The following HSPH1 variants were observed in gnomAD, a reference collection of about 807,000 sequenced individuals.
HSPH1 encodes heat shock protein family H (Hsp110) member 1, also known as heat shock protein 105 kDa.
Under a neutral mutation model 100.0 loss-of-function variants are expected in HSPH1, and 40 were observed. The observed-to-expected ratio is 0.40, with a 90% CI of 0.31 to 0.52. HSPH1 has a LOEUF of 0.52. Ranked by LOEUF, HSPH1 falls within the 20% of genes least tolerant of loss-of-function variation. The probability of loss-of-function intolerance (pLI) is 0.54; values close to 1 mark genes in which losing one functional copy is unlikely to be tolerated. For synonymous variants in HSPH1, 403 were observed against 344.0 expected, an observed-to-expected ratio of 1.17 and a Z score of -1.90; for missense variants, 876 against 1,015.1, an observed-to-expected ratio of 0.86 and a Z score of 1.86.
At chr13:31,139,731 G>T (rs1471784667) in intron 14 of HSPH1, among the ~76,000 whole-genome samples, 2 of 152,044 alleles carry the variant, frequency 1.3e-5, no homozygotes, top group East Asian at 3.9e-4. Context: ...GTGCTTCTGG[G>T]ATTTACTCAC....
chr13:31,138,117 G>C (rs540077163), intron 17 of HSPH1, among the ~76,000 whole-genome samples: 61 of 151,920 alleles, frequency 4.0e-4, no homozygotes, highest in Non-Finnish European at 1.5e-4. Context: ...GTTCCATAAG[G>C]GCAGAGACTA....
intron 11 of HSPH1, among the ~76,000 whole-genome samples, 165 bp from the exon 12 acceptor site, chr13:31,144,088 C>T (rs556889092): frequency 6.6e-6 from 1 of 152,236 alleles, no homozygotes; most frequent in South Asian, 2.1e-4. Context: ...TTGAAAACTT[C>T]TGTAGAAATT....
upstream of HSPH1, chr13:31,162,172 C>A (rs772852661): frequency 7.7e-7 from 1 of 1,301,830 alleles, no homozygotes; most frequent in South Asian, 1.3e-5. Flanking sequence ...AGGCGTTTTG[C>A]TGCCCTAATA....
At chr13:31,156,417 A>G (rs762570841) in intron 2 of HSPH1, among the ~76,000 whole-genome samples, 5 of 152,050 alleles carry the variant, frequency 3.3e-5, no homozygotes, top group Non-Finnish European at 5.9e-5. Flanking sequence ...TAATTTTTAT[A>G]GCTGGGCATG....
upstream of HSPH1, chr13:31,162,065 C>T: frequency 4.6e-6 from 7 of 1,536,148 alleles, no homozygotes; most frequent in South Asian, 7.1e-5. Flanking sequence ...AATGGGCAGC[C>T]GGTCCCCGGA....
Position 31,138,468 on chromosome 13 carries a change from G to A in HSPH1, c.2309C>T (p.Ala770Val). The A allele has an allele frequency of 6.2e-6, 10 of 1,613,204 alleles. No homozygotes were observed. Among genetic ancestry groups the A allele is most frequent in the Non-Finnish European group, 8.5e-6 (10 of 1,179,400 alleles). Residue 770 changes from alanine to valine, a missense_variant, in exon 17 of 18, where the codon GCT (alanine) becomes GTT (valine). Ala to Val is a moderately conservative substitution (Grantham distance 64). Coordinates refer to ENST00000320027, the MANE Select transcript of HSPH1 (RefSeq NM_006644.4). ...TGGATCCTGATCAAGACTCTTTTTA[G>A]CCTGAGCATTCATGACATTATTCAT... ...EWMNNVMNAQ[A>V]KKSLDQDPVV...
intron 14 of HSPH1, among the ~76,000 whole-genome samples, chr13:31,139,498 G>A (rs1486218944): frequency 2.0e-5 from 3 of 151,940 alleles, no homozygotes; most frequent in Non-Finnish European, 2.9e-5. Flanking sequence ...GTAGCCCTGG[G>A]AGGTCCTACC....
At chr13:31,158,126 AT>A (rs1355010903) in intron 2 of HSPH1, among the ~76,000 whole-genome samples, 3 of 152,228 alleles carry the variant, frequency 2.0e-5, no homozygotes, top group African/African-American at 7.2e-5. Context: ...TAAACACATA[AT>A]TTCTTAGAAG....
upstream of HSPH1, chr13:31,162,127 T>C: frequency 6.5e-7 from 1 of 1,530,732 alleles, no homozygotes; most frequent in Non-Finnish European, 8.8e-7. Context: ...TGCCATTGGC[T>C]CAAACCTGCC....
intron 10 of HSPH1, 24 bp from the exon 11 acceptor site, chr13:31,145,792 A>T: frequency 6.2e-7 from 1 of 1,601,896 alleles, no homozygotes; most frequent in Non-Finnish European, 8.6e-7. Flanking sequence ...AACAAAAATC[A>T]CAAAATCACA....
chr13:31,146,839 G>A (rs1359557454), intron 10 of HSPH1, among the ~76,000 whole-genome samples: 1 of 152,088 alleles, frequency 6.6e-6, no homozygotes, highest in Non-Finnish European at 1.5e-5. Context: ...AGACCACTGA[G>A]TCAAAAATAA....
rs777363677 is a variant in HSPH1 at position 31,150,106 on chromosome 13, G to C, written c.985C>G (p.His329Asp). 1.6e-5 allele frequency: 26 copies of C among 1,613,414 alleles called. No individual in the cohort carries two copies. Among genetic ancestry groups the C allele is most frequent in the East Asian group, 2.2e-5 (1 of 44,866 alleles). The change falls in exon 8 of 18, where the codon CAT becomes GAT. Residue 329 changes from histidine to aspartate, a missense_variant. His to Asp is a moderately conservative substitution (Grantham distance 81). Transcript: ENST00000320027. ...VPLYSLLEQT[H>D]LKVEDVSAVE... Reference sequence around the variant, plus strand: ...GCACTCACATCTTCTACTTTGAGATGAGTTTGTTCCAACAGTGAATAAAGG... The same window carrying C: ...GCACTCACATCTTCTACTTTGAGATCAGTTTGTTCCAACAGTGAATAAAGG...
chr13:31,149,205 G>A (rs1480588476), intron 8 of HSPH1, among the ~76,000 whole-genome samples: 1 of 151,892 alleles, frequency 6.6e-6, no homozygotes, highest in Non-Finnish European at 1.5e-5. Context: ...AGAACAGGAT[G>A]GATAATACAA....
intron 4 of HSPH1, 71 bp downstream of exon 4, chr13:31,154,562 T>C: frequency 1.9e-6 from 3 of 1,560,418 alleles, no homozygotes; most frequent in South Asian, 2.2e-5. Flanking sequence ...TTTCCCACAT[T>C]TCATACTTAA....
At chr13:31,137,604 C>A (rs1364536499) in intron 17 of HSPH1, 80 bp from the exon 18 acceptor site, 3 of 1,004,340 alleles carry the variant, frequency 3.0e-6, no homozygotes, top group Non-Finnish European at 4.4e-6. Flanking sequence ...CATACTCAAC[C>A]CACTATTTTT....
rs1213582276 is a variant in HSPH1 at position 31,136,966 on chromosome 13, AG to A, written c.*351del. 2 of 344,252 alleles carry A rather than the reference AG, an allele frequency of 5.8e-6. No individual in the cohort carries two copies. Among genetic ancestry groups the A allele is most frequent in the Non-Finnish European group, 5.8e-6 (1 of 173,728 alleles). The allele number at this position is 344,252 out of a possible 1,614,324, so 21.3% of individuals were successfully genotyped here. A position where few individuals can be genotyped will look rare whatever the true frequency, so the allele number is the denominator to read the frequency against. Reference sequence around the variant, plus strand: ...CAAAATGCAAGAAAACTACCTTGGCAGGAACAAATGCTTAAAGATTTTAATC... The same window carrying A: ...CAAAATGCAAGAAAACTACCTTGGCAGAACAAATGCTTAAAGATTTTAATC... On this transcript the variant is annotated 3_prime_UTR_variant, in exon 18 of 18. Coordinates refer to ENST00000320027, the MANE Select transcript of HSPH1 (RefSeq NM_006644.4).
chr13:31,154,365 T>C (rs1006607134), intron 4 of HSPH1: 13 of 490,408 alleles, frequency 2.7e-5, no homozygotes, highest in Non-Finnish European at 4.8e-5. Context: ...CTAACTGTAT[T>C]AGAATACTCA....
At chr13:31,155,778 T>C (rs966043931) in intron 2 of HSPH1, 124 bp from the exon 3 acceptor site, 5 of 606,326 alleles carry the variant, frequency 8.2e-6, no homozygotes, top group Non-Finnish European at 1.4e-5. Flanking sequence ...TAAGTTGCCC[T>C]GAGGCCCACC....
chr13:31,149,927 C>T (rs376248688), intron 8 of HSPH1, 27 bp downstream of exon 8: 1 of 1,575,156 alleles, frequency 6.3e-7, no homozygotes, highest in African/African-American at 1.3e-5. Context: ...GACTGTACAC[C>T]AAGCAAAAGC....
Sources: gnomAD v4.1 joint callset for allele counts (sites outside exome capture counted in the v4.1 genomes callset) on GRCh38, gnomAD v4.1.1 for gene constraint, MANE v1.5 for transcripts, NCBI Gene and HGNC (gene_info 2026-07-23, HGNC 2026-07-21) for gene names.